HIP1: variants seen among roughly 807,000 people sequenced by gnomAD.
HIP1 encodes huntingtin-interacting protein 1.
A neutral mutation model predicts 147.6 loss-of-function variants in HIP1; 65 were observed. The observed-to-expected ratio is 0.44, with a 90% confidence interval of 0.36 to 0.54. HIP1 has a LOEUF of 0.54. Ranked by LOEUF, HIP1 falls within the 20% of genes least tolerant of loss-of-function variation. HIP1 has a pLI of 0.00. For synonymous variants in HIP1, 479 were observed against 504.0 expected, an observed-to-expected ratio of 0.95 and a Z score of 0.67; for missense variants, 1,061 against 1,299.6, an observed-to-expected ratio of 0.82 and a Z score of 2.82.
chr7:75,580,732 TTCTC>T (rs373677844), intron 7 of HIP1, among the ~76,000 whole-genome samples: 2 of 150,970 alleles, frequency 1.3e-5, no homozygotes, highest in Admixed American at 6.6e-5. Context: ...GAGTGAGACC[TTCTC>T]TCTCTCTCTC....
At chr7:75,664,004 G>GTATATATATACACATATA (rs1434246380) in intron 1 of HIP1, among the ~76,000 whole-genome samples, 1 of 25,258 alleles carries the variant, frequency 4.0e-5, no homozygotes, top group Non-Finnish European at 6.2e-5. Flanking sequence ...ACACATATAT[G>GTATATATATACACATATA]TGTATATATA....
chr7:75,596,552 A>G (rs1796754776), intron 2 of HIP1, among the ~76,000 whole-genome samples: 1 of 151,776 alleles, frequency 6.6e-6, no homozygotes, highest in African/African-American at 2.4e-5. Context: ...ACACCTGGCT[A>G]ATTTTTGTTT....
At chr7:75,717,377 G>A (rs1339576706) in intron 1 of HIP1, among the ~76,000 whole-genome samples, 1 of 152,092 alleles carries the variant, frequency 6.6e-6, no homozygotes, top group African/African-American at 2.4e-5. Flanking sequence ...CACTTAGAAA[G>A]TCATGATAAA....
chr7:75,713,009 T>C (rs1801205535), intron 1 of HIP1, among the ~76,000 whole-genome samples: 1 of 152,356 alleles, frequency 6.6e-6, no homozygotes. Context: ...TACTTATTCA[T>C]TCACTCACTC....
intron 1 of HIP1, among the ~76,000 whole-genome samples, chr7:75,724,389 A>G (rs1276475381): frequency 6.6e-6 from 1 of 151,872 alleles, no homozygotes; most frequent in Non-Finnish European, 1.5e-5. Flanking sequence ...CTGCAATTAC[A>G]GGCACCCGGC....
At position 75,562,991 on chromosome 7, in the gene HIP1, CGGGGGAT is replaced by C; in HGVS notation, c.957_963del (p.Ser320ThrfsTer6). The stretch of plus-strand genomic sequence containing the variant: ...TCCTTCTCTAGGACTGGCTCGCTGT[CGGGGGAT>C]GAGGCCTCTGCAGGGATCACCACCA... On this transcript the variant is annotated frameshift_variant, in exon 11 of 31. Transcript: ENST00000336926. LOFTEE classifies it high-confidence loss of function. The C allele has an allele frequency of 1.2e-6, 2 of 1,614,160 alleles. No homozygotes were observed. The highest frequency in any genetic ancestry group is 1.7e-6 in the Non-Finnish European group (2 of 1,180,034).
At chr7:75,665,420 C>A (rs1799526045) in intron 1 of HIP1, among the ~76,000 whole-genome samples, 1 of 152,048 alleles carries the variant, frequency 6.6e-6, no homozygotes, top group Admixed American at 6.6e-5. Context: ...GTGGAGAGAA[C>A]CACGTGGGGC....
Position 75,553,546 on chromosome 7 carries a change from G to C in HIP1, c.2202C>G (p.Ala734=). 1 of 1,614,174 alleles carries C rather than the reference G, an allele frequency of 6.2e-7. No individual in the cohort carries two copies. Among genetic ancestry groups the C allele is most frequent in the Non-Finnish European group, 8.5e-7 (1 of 1,180,022 alleles). ...CCTCTTCCTCCAGGGAGGCCAGGTA[G>C]GCGAGGGTTTCCCTGCCATACTGCT... ...ACKQYGRETL[A]YLASLEEEGS... The change falls in exon 22 of 31, where the codon GCC becomes GCG. Residue 734 remains alanine, a synonymous_variant. Coordinates refer to ENST00000336926, the MANE Select transcript of HIP1 (RefSeq NM_005338.7).
chr7:75,650,036 C>A (rs1322163152), intron 1 of HIP1, among the ~76,000 whole-genome samples: 1 of 152,096 alleles, frequency 6.6e-6, no homozygotes, highest in Non-Finnish European at 1.5e-5. Context: ...CCAGGTGCAC[C>A]CCCAGAGCCT....
intron 1 of HIP1, among the ~76,000 whole-genome samples, chr7:75,721,187 C>A (rs1554521299): frequency 1.3e-5 from 2 of 151,806 alleles, no homozygotes; most frequent in Non-Finnish European, 1.5e-5. Context: ...GAGCAGCCTG[C>A]CCCAAATGGT....
At chr7:75,703,195 A>G (rs1554519339) in intron 1 of HIP1, among the ~76,000 whole-genome samples, 3 of 152,178 alleles carry the variant, frequency 2.0e-5, no homozygotes. Context: ...TAAAAATAGA[A>G]AAATTAGCCA....
intron 1 of HIP1, among the ~76,000 whole-genome samples, chr7:75,698,928 A>T (rs1338333892): frequency 6.6e-6 from 1 of 152,098 alleles, no homozygotes; most frequent in African/African-American, 2.4e-5. Flanking sequence ...ACAATAAGAG[A>T]TCAGTCAATT....
At chr7:75,650,674 A>G (rs1474498169) in intron 1 of HIP1, among the ~76,000 whole-genome samples, 4 of 151,856 alleles carry the variant, frequency 2.6e-5, no homozygotes, top group Non-Finnish European at 5.9e-5. Flanking sequence ...ACTGGTTTCA[A>G]ACTCCTCGGC....
chr7:75,583,518 T>C (rs1207403568), intron 5 of HIP1, among the ~76,000 whole-genome samples: 2 of 152,100 alleles, frequency 1.3e-5, no homozygotes, highest in Non-Finnish European at 2.9e-5. Context: ...ATTCGGTGCC[T>C]GGTGAGGCGC....
chr7:75,636,594 C>G (rs1798436579), intron 1 of HIP1, among the ~76,000 whole-genome samples: 1 of 152,226 alleles, frequency 6.6e-6, no homozygotes, highest in Non-Finnish European at 1.5e-5. Flanking sequence ...AAAGCAGACA[C>G]CAATTCCCCA....
intron 1 of HIP1, among the ~76,000 whole-genome samples, chr7:75,640,978 C>T (rs1363413455): frequency 7.3e-5 from 11 of 151,708 alleles, no homozygotes; most frequent in Admixed American, 7.2e-4. Flanking sequence ...ACTCTATCTG[C>T]CTGCCTCCTA....
rs35925635 is a variant in HIP1, at chr7:75,685,250, C to CAA, written c.120+53549_120+53550dup. Among the ~76,000 whole-genome samples the CAA allele has an allele frequency of 2.0e-4, 30 of 151,426 alleles. No individual in the cohort carries two copies. The East Asian group carries it at 5.4e-3, about 27-fold the overall frequency. ...CAACATAGTGAGACCCCGTTTCTAC[C>CAA]AAAAAAAACCCCAAAAGCCAAACTT... is the stretch of plus-strand genomic sequence containing the variant. On this transcript the variant is annotated intron_variant, in intron 1 of 30. Coordinates refer to ENST00000336926, the MANE Select transcript of HIP1 (RefSeq NM_005338.7).
intron 1 of HIP1, among the ~76,000 whole-genome samples, chr7:75,681,825 C>T (rs1446015091): frequency 6.6e-6 from 1 of 151,804 alleles, no homozygotes; most frequent in African/African-American, 2.4e-5. Context: ...TTTATGACTG[C>T]ATCATGCTTG....
intron 24 of HIP1, 43 bp downstream of exon 24, chr7:75,547,712 C>G (rs375552576): frequency 6.2e-5 from 96 of 1,536,488 alleles, no homozygotes; most frequent in Non-Finnish European, 6.9e-5. Context: ...GTCAGGAAGA[C>G]AGATCCTGCT....
Sources: allele counts gnomAD v4.1 joint callset (sites outside exome capture counted in the v4.1 genomes callset), GRCh38; gene constraint gnomAD v4.1.1; transcripts MANE v1.5; gene names NCBI Gene and HGNC (gene_info 2026-07-23, HGNC 2026-07-21).